Variants in NTM observed in about 807,000 individuals in gnomAD.
The protein encoded by NTM is IgLON family member 2.
NTM carries 13 observed loss-of-function variants against 42.1 expected under a neutral mutation model. That is an observed-to-expected ratio of 0.31 (90% CI 0.20 to 0.49). The LOEUF (loss-of-function observed/expected upper bound fraction) is 0.49, where lower values mean the gene tolerates loss of function less well. Ranked by LOEUF, NTM falls within the 20% of genes least tolerant of loss-of-function variation. The pLI, the probability that NTM is intolerant of heterozygous loss-of-function variation, is 0.99. For synonymous variants in NTM, 187 were observed against 179.2 expected (o/e 1.04, Z -0.35); for missense variants, 373 against 452.8 (o/e 0.82, Z 1.60).
At chr11:131,463,607 A>G (rs977390460) in intron 1 of NTM, among the ~76,000 whole-genome samples, 7 of 152,258 alleles carry the variant, frequency 4.6e-5, no homozygotes, top group Non-Finnish European at 8.8e-5. Context: ...TAATACATTT[A>G]TCAAAAATAA....
chr11:131,944,739 A>G (rs1179895206), intron 2 of NTM, among the ~76,000 whole-genome samples: 1 of 152,186 alleles, frequency 6.6e-6, no homozygotes, highest in Admixed American at 6.5e-5. Flanking sequence ...ATTTAAGCAA[A>G]TGTGTACAGC....
chr11:132,307,704 G>A lies in NTM; in HGVS notation c.542G>A (p.Ser181Asn), dbSNP rs771984549. The change falls in exon 5 of 9, where the codon AGT becomes AAT. Residue 181 changes from serine to asparagine, a missense_variant. Transcript: ENST00000683400. ...TTTCCCGCAGCGGTTGGCTTTGTGA[G>A]TGAAGACGAATACTTGGAAATTCAG... ...HISPKAVGFV[S>N]EDEYLEIQGI... 13 of 1,614,118 alleles carry A rather than the reference G, an allele frequency of 8.1e-6. No individual in the cohort carries two copies. Among genetic ancestry groups the A allele is most frequent in the Non-Finnish European group, 9.3e-6 (11 of 1,180,046 alleles).
chr11:131,711,108 A>G (rs2077075627), intron 1 of NTM, among the ~76,000 whole-genome samples: 1 of 152,218 alleles, frequency 6.6e-6, no homozygotes, highest in African/African-American at 2.4e-5. Flanking sequence ...AGCAATGGCA[A>G]TAAAAGACAA....
intron 2 of NTM, among the ~76,000 whole-genome samples, chr11:132,103,961 CTA>C (rs1204116483): frequency 6.6e-6 from 1 of 152,162 alleles, no homozygotes; most frequent in Non-Finnish European, 1.5e-5. Context: ...TTCAAATAGT[CTA>C]TTAGTAGCAG....
At chr11:131,765,805 T>C (rs1456902171) in intron 1 of NTM, among the ~76,000 whole-genome samples, 1 of 152,166 alleles carries the variant, frequency 6.6e-6, no homozygotes, top group African/African-American at 2.4e-5. Flanking sequence ...AAGTAGAGCG[T>C]TTACTTGGGC....
At chr11:131,907,276 A>C (rs116355910) in intron 1 of NTM, among the ~76,000 whole-genome samples, 5 of 152,354 alleles carry the variant, frequency 3.3e-5, no homozygotes, top group African/African-American at 1.2e-4. Flanking sequence ...AAACAAAAAC[A>C]ACAGCTAATT....
chr11:131,375,032 T>G (rs1331944877), intron 1 of NTM, among the ~76,000 whole-genome samples: 1 of 152,210 alleles, frequency 6.6e-6, no homozygotes, highest in Non-Finnish European at 1.5e-5. Context: ...GCTCTCTCTC[T>G]TGCTGCAGCA....
chr11:131,743,613 A>G (rs78274291), intron 1 of NTM, among the ~76,000 whole-genome samples: 177 of 152,334 alleles, frequency 1.2e-3, no homozygotes, highest in African/African-American at 4.1e-3. Flanking sequence ...ATGAAGGCAT[A>G]TCAGGCAGAG....
At chr11:131,623,880 G>A (rs1015517472) in intron 1 of NTM, among the ~76,000 whole-genome samples, 15 of 152,240 alleles carry the variant, frequency 9.9e-5, no homozygotes, top group Non-Finnish European at 1.5e-4. Flanking sequence ...GAAAAACCTC[G>A]GGGCTGCCGT....
At chr11:132,200,000 C>A (rs1444257822) in intron 3 of NTM, among the ~76,000 whole-genome samples, 1 of 152,120 alleles carries the variant, frequency 6.6e-6, no homozygotes, top group African/African-American at 2.4e-5. Flanking sequence ...TCACTCGCTC[C>A]AGCACTGTGA....
chr11:132,311,729 C>T (rs1017475971), intron 6 of NTM, among the ~76,000 whole-genome samples: 7 of 152,174 alleles, frequency 4.6e-5, no homozygotes, highest in African/African-American at 1.7e-4. Flanking sequence ...CAGCTGCGTC[C>T]TATTATTCCA....
At chr11:132,304,428 C>A (rs1490374767) in intron 4 of NTM, among the ~76,000 whole-genome samples, 5 of 150,632 alleles carry the variant, frequency 3.3e-5, no homozygotes, top group Non-Finnish European at 7.4e-5. Context: ...TTTTTTTTAC[C>A]CAATATGCTT....
At chr11:131,464,880 T>A (rs1389330731) in intron 1 of NTM, among the ~76,000 whole-genome samples, 1 of 152,238 alleles carries the variant, frequency 6.6e-6, no homozygotes, top group Admixed American at 6.5e-5. Context: ...TGTGCCGGTC[T>A]GGGTTGATAG....
In NTM at chr11:132,335,279, G is replaced by A. The variant is rs2095864031; in HGVS notation, c.*133G>A. 1.1e-6 allele frequency: 1 copy of A among 928,816 alleles called. No individual in the cohort carries two copies. The highest frequency in any genetic ancestry group is 1.7e-5 in the African/African-American group (1 of 58,984). 57.5% of individuals were successfully genotyped at this position (928,816 alleles called of 1,614,324 possible). ...AGAAGAAACACAGCCTCATGGGACA[G>A]AAATTTGAGGGAGGGGAACAAAGAA... On this transcript the variant is annotated 3_prime_UTR_variant, in exon 9 of 9. Coordinates refer to ENST00000683400, the MANE Select transcript of NTM (RefSeq NM_001352005.2).
At chr11:131,377,311 G>T (rs534337186) in intron 1 of NTM, among the ~76,000 whole-genome samples, 1 of 152,312 alleles carries the variant, frequency 6.6e-6, no homozygotes, top group South Asian at 2.1e-4. Flanking sequence ...TGTGGTCATT[G>T]TCTTGTGTGT....
chr11:131,964,102 A>G (rs1405955464), intron 2 of NTM, among the ~76,000 whole-genome samples: 1 of 152,210 alleles, frequency 6.6e-6, no homozygotes, highest in African/African-American at 2.4e-5. Context: ...AAGCCAGACC[A>G]AAGGGCTGCC....
chr11:131,499,673 C>G (rs973755601), intron 1 of NTM, among the ~76,000 whole-genome samples: 1 of 125,730 alleles, frequency 8.0e-6, no homozygotes, highest in Admixed American at 8.3e-5. Flanking sequence ...TCTCATCTCA[C>G]TCACTCCTCC....
chr11:132,009,656 G>C (rs2071648962), intron 2 of NTM, among the ~76,000 whole-genome samples: 1 of 152,180 alleles, frequency 6.6e-6, no homozygotes, highest in South Asian at 2.1e-4. Flanking sequence ...CGCCACACTT[G>C]GAAGATGGCA....
At chr11:131,674,715 A>T (rs770803320) in intron 1 of NTM, among the ~76,000 whole-genome samples, 2 of 152,148 alleles carry the variant, frequency 1.3e-5, no homozygotes, top group Non-Finnish European at 2.9e-5. Flanking sequence ...TGTTATTTGC[A>T]AGCCTGATTT....
Sources: allele counts gnomAD v4.1 joint callset (sites outside exome capture counted in the v4.1 genomes callset), GRCh38; gene constraint gnomAD v4.1.1; transcripts MANE v1.5; gene names NCBI Gene and HGNC (gene_info 2026-07-23, HGNC 2026-07-21).